Variants in NCAM2 observed in about 807,000 individuals in gnomAD.
NCAM2 encodes the protein N-CAM-2.
Under a neutral mutation model 98.1 loss-of-function variants are expected in NCAM2, and 30 were observed. The ratio of observed to expected loss-of-function variants is 0.31; its 90% CI spans 0.23 to 0.41. The LOEUF is 0.41. NCAM2 is among the 10% of genes least tolerant of loss of function. The pLI, the probability that NCAM2 is intolerant of heterozygous loss-of-function variation, is 1.00. For missense variants in NCAM2, 867 were observed against 1,005.8 expected (o/e 0.86, Z 1.87); for synonymous variants, 368 against 342.4 (o/e 1.07, Z -0.83).
intron 1 of NCAM2, among the ~76,000 whole-genome samples, chr21:21,056,771 A>G (rs1400091402): frequency 2.0e-5 from 3 of 152,052 alleles, no homozygotes; most frequent in Non-Finnish European, 4.4e-5. Flanking sequence ...TAAACATTTT[A>G]AAATTGCAAA....
chr21:21,454,339 T>G (rs2146153426), intron 12 of NCAM2, among the ~76,000 whole-genome samples: 1 of 152,226 alleles, frequency 6.6e-6, no homozygotes, highest in Non-Finnish European at 1.5e-5. Context: ...CCAACTGATC[T>G]AATTAGATAA....
In NCAM2 at chr21:21,341,307, G is replaced by A. The variant is rs574554445; in HGVS notation, c.1044+2773G>A. Among the ~76,000 whole-genome samples the A allele has an allele frequency of 6.6e-5, 10 of 152,104 alleles. No homozygotes were observed. The East Asian group carries it at 1.9e-3, about 29-fold the overall frequency. ...TGCAGATTCTAGATTCCCACTTCTTGAAGTTGATTTAGTATATGCAGCCCA... is the reference window on the plus strand; with the variant it reads ...TGCAGATTCTAGATTCCCACTTCTTAAAGTTGATTTAGTATATGCAGCCCA... On this transcript the variant is annotated intron_variant, in intron 8 of 17. Transcript: ENST00000400546.
At chr21:21,320,964 T>G (rs2147779347) in intron 5 of NCAM2, among the ~76,000 whole-genome samples, 1 of 152,318 alleles carries the variant, frequency 6.6e-6, no homozygotes, top group South Asian at 2.1e-4. Context: ...GATGTGTTAA[T>G]GAAATTATGG....
intron 16 of NCAM2, 93 bp from the exon 17 acceptor site, chr21:21,534,444 A>C: frequency 9.6e-7 from 1 of 1,045,840 alleles, no homozygotes; most frequent in Non-Finnish European, 1.3e-6. Flanking sequence ...TATTTGGAGG[A>C]AGGTAGAATT....
chr21:21,302,340 C>A (rs888534549), intron 5 of NCAM2, among the ~76,000 whole-genome samples: 26 of 152,172 alleles, frequency 1.7e-4, no homozygotes, highest in Middle Eastern at 3.4e-3. Context: ...GTATGACCAG[C>A]CAGTTATCCC....
chr21:21,120,748 C>A (rs1329332419), intron 1 of NCAM2, among the ~76,000 whole-genome samples: 1 of 141,010 alleles, frequency 7.1e-6, no homozygotes, highest in Admixed American at 7.4e-5. Flanking sequence ...GAGATGGAGT[C>A]TCTCTCTGTC....
chr21:21,006,356 A>T (rs1265605274), intron 1 of NCAM2, among the ~76,000 whole-genome samples: 1 of 152,034 alleles, frequency 6.6e-6, no homozygotes, highest in African/African-American at 2.4e-5. Context: ...AAAATACAAA[A>T]ATTAGCTGGG....
rs921252700 is a variant in NCAM2, at chr21:21,454,462, T to G, written c.1655-12144T>G. ...TTTTAAGGTGTTAACATCCCTAACT[T>G]ATGTATGGGTACAGCTCATAAATAC... On this transcript the variant is annotated intron_variant, in intron 12 of 17. Transcript: ENST00000400546. Among the ~76,000 whole-genome samples, 10 of 152,130 alleles carry G rather than the reference T, an allele frequency of 6.6e-5. No individual in the cohort carries two copies. In the South Asian group the frequency reaches 1.9e-3, roughly 28 times the overall value.
intron 8 of NCAM2, 24 bp from the exon 9 acceptor site, chr21:21,373,839 T>C (rs1370059236): frequency 5.1e-6 from 8 of 1,563,402 alleles, no homozygotes; most frequent in Non-Finnish European, 6.9e-6. Context: ...AAAATCTTTC[T>C]TTTTCCTGAA....
At position 21,022,140 on chromosome 21, in the gene NCAM2, G is replaced by T. The variant is rs371773247; in HGVS notation, c.55+23522G>T. On this transcript the variant is annotated intron_variant, in intron 1 of 17. Coordinates refer to ENST00000400546, the MANE Select transcript of NCAM2 (RefSeq NM_004540.5). ...GTCTTGAAAGACTTTAAAGATAAGC[G>T]TGCCCTTTTATCTAATTAGAATAGT... Among the ~76,000 whole-genome samples the T allele has an allele frequency of 3.3e-5, 5 of 152,002 alleles. No homozygotes were observed. The East Asian group carries it at 7.7e-4, about 23-fold the overall frequency.
chr21:21,398,322 C>T (rs1368649242), intron 9 of NCAM2, among the ~76,000 whole-genome samples: 2 of 152,230 alleles, frequency 1.3e-5, no homozygotes, highest in East Asian at 1.9e-4. Flanking sequence ...GTATACTGCT[C>T]AGGTGATGGG....
chr21:21,065,347 C>T (rs1156571424), intron 1 of NCAM2, among the ~76,000 whole-genome samples: 2 of 151,864 alleles, frequency 1.3e-5, no homozygotes, highest in Non-Finnish European at 2.9e-5. Context: ...TTTTTTTTCC[C>T]ACTTGATTTA....
Position 21,276,583 on chromosome 21 carries a change from C to T in NCAM2, c.56-3995C>T, listed in dbSNP as rs557077373. 4.1e-4 allele frequency among the ~76,000 whole-genome samples: 63 copies of T among 152,140 alleles called. 1 individual carries two copies. The highest frequency in any genetic ancestry group is 3.6e-3 in the Admixed American group (55 of 15,288). ...CATTAGGAAACAATTTAGTTTTCTT[C>T]TGGCTGCCATAGGTGATAAACTCAT... On this transcript the variant is annotated intron_variant, in intron 1 of 17. Transcript: ENST00000400546.
chr21:21,511,107 T>C (rs1487175780), intron 16 of NCAM2, among the ~76,000 whole-genome samples: 2 of 152,084 alleles, frequency 1.3e-5, no homozygotes, highest in African/African-American at 4.8e-5. Context: ...TTATCAATTC[T>C]TTGTGCTAGG....
intron 8 of NCAM2, among the ~76,000 whole-genome samples, chr21:21,342,135 A>T (rs1473432781): frequency 6.6e-6 from 1 of 152,212 alleles, no homozygotes; most frequent in Non-Finnish European, 1.5e-5. Context: ...GTTCACGAGT[A>T]GCATTCACTG....
intron 4 of NCAM2, among the ~76,000 whole-genome samples, chr21:21,289,557 C>T (rs979768343): frequency 3.3e-5 from 5 of 151,784 alleles, no homozygotes; most frequent in Admixed American, 2.0e-4. Flanking sequence ...TGCAATGGCC[C>T]AGAGGTGAAA....
intron 1 of NCAM2, among the ~76,000 whole-genome samples, chr21:21,073,179 C>T (rs965048995): frequency 6.6e-6 from 1 of 152,120 alleles, no homozygotes; most frequent in East Asian, 1.9e-4. Flanking sequence ...GAATTATATT[C>T]CATTGTATGC....
At chr21:21,502,753 C>G (rs919791055) in intron 15 of NCAM2, among the ~76,000 whole-genome samples, 13 of 151,964 alleles carry the variant, frequency 8.6e-5, no homozygotes, top group Middle Eastern at 3.2e-3. Flanking sequence ...GCTTAACCTA[C>G]TTGCCTGCTG....
At chr21:21,071,845 A>T (rs192982375) in intron 1 of NCAM2, among the ~76,000 whole-genome samples, 1 of 151,962 alleles carries the variant, frequency 6.6e-6, no homozygotes, top group African/African-American at 2.4e-5. Flanking sequence ...TAAAGTGTAT[A>T]CTGCCCAATT....
Sources: gnomAD v4.1 joint callset for allele counts (sites outside exome capture counted in the v4.1 genomes callset) on GRCh38, gnomAD v4.1.1 for gene constraint, MANE v1.5 for transcripts, NCBI Gene and HGNC (gene_info 2026-07-23, HGNC 2026-07-21) for gene names.